Variants in ITGA2B observed in about 807,000 individuals in gnomAD.
The protein encoded by ITGA2B is integrin subunit alpha 2b, also known as integrin alpha-IIb.
ITGA2B carries 91 observed loss-of-function variants against 142.0 expected under a neutral mutation model. The observed-to-expected ratio is 0.64, with a 90% CI of 0.54 to 0.76. The LOEUF is 0.76. ITGA2B is among the 30% of genes least tolerant of loss of function. The pLI is 0.00. For missense variants in ITGA2B, 1,231 were observed against 1,350.8 expected (o/e 0.91, Z 1.39); for synonymous variants, 536 against 567.2 (o/e 0.94, Z 0.78).
intron 22 of ITGA2B, 82 bp from the exon 23 acceptor site, chr17:44,376,470 A>C (rs1405013474): frequency 1.6e-6 from 2 of 1,240,790 alleles, no homozygotes; most frequent in Non-Finnish European, 2.4e-6. Flanking sequence ...AATTTTAGAG[A>C]GTTCAGAGAG....
intron 27 of ITGA2B, 65 bp from the exon 28 acceptor site, chr17:44,374,825 G>A: frequency 7.0e-7 from 1 of 1,438,080 alleles, no homozygotes; most frequent in South Asian, 1.2e-5. Flanking sequence ...AGGAGTCCAG[G>A]TCCCACACCC....
At chr17:44,375,474 G>T in intron 26 of ITGA2B, 117 bp downstream of exon 26, 1 of 1,287,268 alleles carries the variant, frequency 7.8e-7, no homozygotes, top group Non-Finnish European at 1.1e-6. Flanking sequence ...AGTGCTCCCA[G>T]GGACCAAGCG....
At chr17:44,383,998 A>C in intron 10 of ITGA2B, 52 bp from the exon 11 acceptor site, 2 of 1,613,860 alleles carry the variant, frequency 1.2e-6, no homozygotes, top group Non-Finnish European at 1.7e-6. Flanking sequence ...CATCCTCTTT[A>C]AGAAATGGGC....
At chr17:44,389,219 C>T in intron 1 of ITGA2B, 67 bp downstream of exon 1, 1 of 1,549,206 alleles carries the variant, frequency 6.5e-7, no homozygotes, top group Non-Finnish European at 8.9e-7. Flanking sequence ...AAACTCGAAG[C>T]CCCCAGAAGC....
At chr17:44,382,813 T>C (rs1056958682) in intron 12 of ITGA2B, among the ~76,000 whole-genome samples, 1 of 152,138 alleles carries the variant, frequency 6.6e-6, no homozygotes, top group African/African-American at 2.4e-5. Flanking sequence ...TCCCGGGCCA[T>C]CAGACCCCCT....
chr17:44,379,011 T>C (rs1364009188), intron 18 of ITGA2B, among the ~76,000 whole-genome samples: 1 of 152,132 alleles, frequency 6.6e-6, no homozygotes, highest in Non-Finnish European at 1.5e-5. Flanking sequence ...AGTGGCACTA[T>C]CTCGGCTCAC....
Position 44,377,698 on chromosome 17 carries a change from C to T in ITGA2B, c.2187G>A (p.Gln729=). ...ELGNPMKKNA[Q]IGIAMLVSVG... ...CGGTACCACGACCCAGCAGCCTCACCTGGGCGTTCTTCTTCATGGGGTTGC... is the reference window on the plus strand; with the variant it reads ...CGGTACCACGACCCAGCAGCCTCACTTGGGCGTTCTTCTTCATGGGGTTGC... The change falls in exon 21 of 30, where the codon CAG becomes CAA. Residue 729 remains glutamine, a splice_region_variant and synonymous_variant. Transcript: ENST00000262407. 6.2e-7 allele frequency: 1 copy of T among 1,612,838 alleles called. No homozygotes were observed. Among genetic ancestry groups the T allele is most frequent in the South Asian group, 1.1e-5 (1 of 91,042 alleles).
intron 12 of ITGA2B, among the ~76,000 whole-genome samples, chr17:44,381,921 C>G (rs2048600998): frequency 6.6e-6 from 1 of 152,192 alleles, no homozygotes; most frequent in African/African-American, 2.4e-5. Flanking sequence ...AGCCACCGTG[C>G]CTGGCCATCT....
intron 29 of ITGA2B, among the ~76,000 whole-genome samples, chr17:44,373,605 C>T (rs989764512): frequency 6.6e-6 from 1 of 152,322 alleles, no homozygotes; most frequent in Non-Finnish European, 1.5e-5. Context: ...TCCAGGGCCA[C>T]ATAGGAAGGG....
chr17:44,382,902 T>C (rs994515965), intron 12 of ITGA2B, among the ~76,000 whole-genome samples: 1 of 152,126 alleles, frequency 6.6e-6, no homozygotes, highest in Non-Finnish European at 1.5e-5. Context: ...TAAATGCTTT[T>C]GCTCCCTAGG....
chr17:44,374,921 A>C (rs2048526305), intron 27 of ITGA2B, 77 bp downstream of exon 27: 1 of 1,353,334 alleles, frequency 7.4e-7, no homozygotes. Flanking sequence ...GCCCTCCCAC[A>C]CCAAACCCCG....
At position 44,380,015 on chromosome 17, in the gene ITGA2B, A is replaced by G. The variant is rs768008625; in HGVS notation, c.1739T>C (p.Met580Thr). The G allele has an allele frequency of 7.4e-6, 12 of 1,613,564 alleles. No individual in the cohort carries two copies. In the Admixed American group the frequency reaches 1.2e-4, roughly 16 times the overall value. The stretch of plus-strand genomic sequence containing the variant: ...GCCTGGGCGTACTCGAAGGAAGGCC[A>G]TGGTGGTGTGGCAGATGGGGCTGTG... Reference protein sequence around the residue: ...GKHSPICHTTMAFLRDEADFR... With the variant: ...GKHSPICHTTTAFLRDEADFR... The change falls in exon 17 of 30, where the codon ATG becomes ACG. Residue 580 changes from methionine to threonine, a missense_variant. Transcript: ENST00000262407.
rs1354681237 is a variant in ITGA2B at position 44,381,020 on chromosome 17, C to T, written c.1252G>A (p.Gly418Ser). 1 of 1,613,380 alleles carries T rather than the reference C, an allele frequency of 6.2e-7. No homozygotes were observed. The highest frequency in any genetic ancestry group is 1.3e-5 in the African/African-American group (1 of 75,040). The change falls in exon 13 of 30, where the codon GGC becomes AGC. Residue 418 changes from glycine (G) to serine (S), a missense_variant. By Grantham distance (56) the Gly-to-Ser change is moderately conservative. Around this residue, in one of 3 missense-constraint regions of ITGA2B, gnomAD observed 908 missense variants for 1,021.1 expected, o/e 0.89. Coordinates refer to ENST00000262407, the MANE Select transcript of ITGA2B (RefSeq NM_000419.5). Reference sequence around the variant, plus strand: ...TGACCCAGGAACACCAGCACTTGGCCCCGGCCACTGGGACCCCCGTAGGGG... The same window carrying T: ...TGACCCAGGAACACCAGCACTTGGCTCCGGCCACTGGGACCCCCGTAGGGG... ...AAPYGGPSGR[G>S]QVLVFLGQSE...
rs1476640882 is a variant in ITGA2B at position 44,380,657 on chromosome 17, G to A, written c.1394-12C>T. On this transcript the variant is annotated splice_polypyrimidine_tract_variant and intron_variant, in intron 13 of 29. Transcript: ENST00000262407. ...TCCCACGATCAGGTCTATAGACATC[G>A]AGGAATGGGTCAGAATTGGCGATTA... 6.2e-6 allele frequency: 10 copies of A among 1,614,170 alleles called. No homozygotes were observed. Among genetic ancestry groups the A allele is most frequent in the East Asian group, 4.5e-5 (2 of 44,878 alleles).
At chr17:44,373,222 T>G (rs546811784) in intron 29 of ITGA2B, among the ~76,000 whole-genome samples, 6 of 150,544 alleles carry the variant, frequency 4.0e-5, no homozygotes, top group South Asian at 4.3e-4. Context: ...ACTGCAACCT[T>G]CACCTCCCGG....
rs2048545013 is a variant in ITGA2B, at chr17:44,376,397, G to C, written c.2268-9C>G. ...GATTCTGGCTGTTCTTGCTAGAGGG[G>C]AGGGGATGAGGAGAAACAGGGCCAG... is the stretch of plus-strand genomic sequence containing the variant. On this transcript the variant is annotated splice_polypyrimidine_tract_variant and intron_variant, in intron 22 of 29. Transcript: ENST00000262407. The C allele has an allele frequency of 2.5e-6, 4 of 1,614,058 alleles. No homozygotes were observed. Among genetic ancestry groups the C allele is most frequent in the Non-Finnish European group, 3.4e-6 (4 of 1,179,928 alleles).
In ITGA2B at chr17:44,375,732, A is replaced by G; in HGVS notation, c.2602-16T>C. Reference sequence around the variant, plus strand: ...CCCAGTCCACCTGGGGGGGCAAAGGAGTGGTCAGGCCCAGGTCTCCCCCGA... The same window carrying G: ...CCCAGTCCACCTGGGGGGGCAAAGGGGTGGTCAGGCCCAGGTCTCCCCCGA... On this transcript the variant is annotated splice_polypyrimidine_tract_variant and intron_variant, in intron 25 of 29. Transcript: ENST00000262407. 6.4e-7 allele frequency: 1 copy of G among 1,566,936 alleles called. No homozygotes were observed.
At chr17:44,375,780 CGG>C in intron 25 of ITGA2B, 51 bp downstream of exon 25, 1 of 1,557,136 alleles carries the variant, frequency 6.4e-7, no homozygotes, top group Non-Finnish European at 8.7e-7. Context: ...AGAGGTGCCC[CGG>C]TGGTTGGTCT....
At chr17:44,373,642 G>A (rs2048515058) in intron 29 of ITGA2B, among the ~76,000 whole-genome samples, 1 of 152,148 alleles carries the variant, frequency 6.6e-6, no homozygotes, top group South Asian at 2.1e-4. Flanking sequence ...CCAATCCTTG[G>A]GCCTCTTGCC....
Sources: gnomAD v4.1 joint callset for allele counts (sites outside exome capture counted in the v4.1 genomes callset) on GRCh38, gnomAD v4.1.1 for gene constraint, gnomAD v4.1.1 regional missense constraint, MANE v1.5 for transcripts, NCBI Gene and HGNC (gene_info 2026-07-23, HGNC 2026-07-21) for gene names.